BEND7: variants seen among roughly 807,000 people sequenced by gnomAD.
The protein encoded by BEND7 is BEN domain containing 7.
A neutral mutation model predicts 50.9 loss-of-function variants in BEND7; 28 were observed. The observed-to-expected ratio is 0.55, with a 90% CI of 0.41 to 0.75. The LOEUF is 0.75. Ranked by LOEUF, BEND7 falls within the 30% of genes least tolerant of loss-of-function variation. BEND7 has a pLI of 0.00. For synonymous variants in BEND7, 170 were observed against 183.9 expected, an observed-to-expected ratio of 0.92 and a Z score of 0.61; for missense variants, 477 against 491.3, an observed-to-expected ratio of 0.97 and a Z score of 0.28.
intron 2 of BEND7, among the ~76,000 whole-genome samples, chr10:13,505,304 G>A (rs2077790811): frequency 6.6e-6 from 1 of 152,182 alleles, no homozygotes; most frequent in Non-Finnish European, 1.5e-5. Flanking sequence ...TGCACCCCAC[G>A]TGGACTGTGC....
intron 5 of BEND7, among the ~76,000 whole-genome samples, chr10:13,481,725 C>T (rs2075874709): frequency 6.6e-6 from 1 of 152,122 alleles, no homozygotes; most frequent in Non-Finnish European, 1.5e-5. Context: ...AGCAGGTTTC[C>T]CAGGCAGTTT....
chr10:13,447,138 C>T, intron 8 of BEND7, 128 bp downstream of exon 8: 1 of 887,970 alleles, frequency 1.1e-6, no homozygotes. Flanking sequence ...AATGACGGGG[C>T]CTGGTCCACT....
At chr10:13,464,707 C>A (rs2074054093) in intron 6 of BEND7, among the ~76,000 whole-genome samples, 1 of 152,156 alleles carries the variant, frequency 6.6e-6, no homozygotes, top group African/African-American at 2.4e-5. Context: ...ACTATTATTT[C>A]AACGTTTTAA....
chr10:13,453,471 A>T (rs1005589675), intron 6 of BEND7, among the ~76,000 whole-genome samples: 12 of 152,160 alleles, frequency 7.9e-5, no homozygotes, highest in African/African-American at 2.9e-4. Flanking sequence ...GTTTCTCTTA[A>T]AAAAAAGACA....
chr10:13,495,572 G>A (rs1405384865), intron 4 of BEND7, among the ~76,000 whole-genome samples: 1 of 152,176 alleles, frequency 6.6e-6, no homozygotes, highest in Non-Finnish European at 1.5e-5. Context: ...TGAGGCAGGA[G>A]AATCGCTTGA....
chr10:13,441,079 G>T, downstream of BEND7: 1 of 984,518 alleles, frequency 1.0e-6, no homozygotes, highest in Non-Finnish European at 1.2e-6. Flanking sequence ...GGCAAGATCC[G>T]CACGCACGTT....
intron 2 of BEND7, among the ~76,000 whole-genome samples, chr10:13,506,362 C>A (rs972260236): frequency 6.6e-6 from 1 of 152,206 alleles, no homozygotes; most frequent in Non-Finnish European, 1.5e-5. Flanking sequence ...CGAAACACGG[C>A]TCTTTTAACC....
intron 6 of BEND7, among the ~76,000 whole-genome samples, chr10:13,453,255 G>A (rs1391918777): frequency 1.7e-5 from 2 of 119,576 alleles, no homozygotes; most frequent in African/African-American, 7.0e-5. Flanking sequence ...ACACAAGGCA[G>A]GCGGGACAAT....
At chr10:13,529,449 A>G (rs1490568052), upstream of BEND7, among the ~76,000 whole-genome samples, 1 of 152,102 alleles carries the variant, frequency 6.6e-6, no homozygotes, top group African/African-American at 2.4e-5. Context: ...CGCTCTCTCT[A>G]GAAGGACAGA....
chr10:13,527,757 ACT>A (rs1192694410), intron 1 of BEND7: 4 of 792,444 alleles, frequency 5.0e-6, no homozygotes, highest in Non-Finnish European at 4.6e-6. Flanking sequence ...GAAGATAAAG[ACT>A]CTTAACAAGT....
chr10:13,517,273 G>GCA (rs1277580535), intron 2 of BEND7, among the ~76,000 whole-genome samples: 1 of 151,812 alleles, frequency 6.6e-6, no homozygotes, highest in Non-Finnish European at 1.5e-5. Context: ...AGAGTGGTAA[G>GCA]CATGTCAATG....
chr10:13,449,295 G>T (rs1837161887), intron 7 of BEND7, among the ~76,000 whole-genome samples: 1 of 152,130 alleles, frequency 6.6e-6, no homozygotes, highest in Non-Finnish European at 1.5e-5. Flanking sequence ...CACTGCCTAG[G>T]ATTTTAAAAA....
intron 4 of BEND7, 28 bp from the exon 5 acceptor site, chr10:13,492,904 C>T (rs1279787360): frequency 7.0e-6 from 11 of 1,582,242 alleles, no homozygotes; most frequent in Non-Finnish European, 9.4e-6. Context: ...AAATATGGTA[C>T]AGGCACGTGT....
At chr10:13,474,480 T>C (rs534854337) in intron 6 of BEND7, among the ~76,000 whole-genome samples, 1 of 152,332 alleles carries the variant, frequency 6.6e-6, no homozygotes, top group African/African-American at 2.4e-5. Context: ...GTCATCACTG[T>C]TACACTCGGG....
At chr10:13,443,221 A>G (rs538147464) in intron 8 of BEND7, 1 of 152,788 alleles carries the variant, frequency 6.5e-6, no homozygotes, top group Non-Finnish European at 1.5e-5. Flanking sequence ...CTATTCAAAC[A>G]TGACAGGTAA....
intron 6 of BEND7, among the ~76,000 whole-genome samples, chr10:13,464,334 G>A (rs2074009331): frequency 1.3e-5 from 2 of 152,230 alleles, no homozygotes; most frequent in South Asian, 4.1e-4. Flanking sequence ...GGCTAAGCTA[G>A]GGTTAGAATG....
intron 4 of BEND7, 34 bp from the exon 5 acceptor site, chr10:13,492,910 CGT>C (rs2076770077): frequency 6.3e-7 from 1 of 1,579,266 alleles, no homozygotes; most frequent in East Asian, 2.2e-5. Flanking sequence ...GGTACAGGCA[CGT>C]GTGTCTGACT....
intron 1 of BEND7, 71 bp downstream of exon 1, chr10:13,528,402 G>T (rs940882358): frequency 5.3e-6 from 4 of 757,308 alleles, no homozygotes; most frequent in Admixed American, 1.3e-4. Context: ...GCGCCCCCCA[G>T]CGTGGACCCC....
chr10:13,472,779 G>A (rs537805189), intron 6 of BEND7, among the ~76,000 whole-genome samples: 4 of 148,140 alleles, frequency 2.7e-5, no homozygotes, highest in South Asian at 4.3e-4. Flanking sequence ...GTCAATATCC[G>A]TCATTGCTCT....
Sources: allele counts gnomAD v4.1 joint callset (sites outside exome capture counted in the v4.1 genomes callset), GRCh38; gene constraint gnomAD v4.1.1; transcripts MANE v1.5; gene names NCBI Gene and HGNC (gene_info 2026-07-23, HGNC 2026-07-21).